Variants in HDAC9 observed in about 807,000 individuals in gnomAD.
HDAC9 encodes histone deacetylase 9, also known as MEF-2 interacting transcription repressor (MITR) protein.
HDAC9 carries 41 observed loss-of-function variants against 139.4 expected under a neutral mutation model. The observed-to-expected ratio is 0.29, with a 90% CI of 0.23 to 0.38. The LOEUF (loss-of-function observed/expected upper bound fraction) is 0.38, where lower values mean the gene tolerates loss of function less well. Among genes scored for constraint, HDAC9 ranks in the 10% least tolerant of loss-of-function variants. The probability of loss-of-function intolerance (pLI) is 1.00; values close to 1 mark genes in which losing one functional copy is unlikely to be tolerated. For synonymous variants in HDAC9, 517 were observed against 476.2 expected (o/e 1.09, Z -1.12); for missense variants, 1,147 against 1,297.0 (o/e 0.88, Z 1.78).
At chr7:18,771,535 ATATGTG>A (rs1790290859) in intron 16 of HDAC9, among the ~76,000 whole-genome samples, 1 of 144,460 alleles carries the variant, frequency 6.9e-6, no homozygotes, top group South Asian at 2.2e-4. Context: ...AAATTTACAG[ATATGTG>A]TGTGTGTGTG....
At chr7:18,171,619 C>T (rs536397957) in intron 2 of HDAC9, among the ~76,000 whole-genome samples, 1 of 152,182 alleles carries the variant, frequency 6.6e-6, no homozygotes, top group South Asian at 2.1e-4. Flanking sequence ...AGATATGTTC[C>T]ATCGATACCT....
chr7:18,546,175 G>T (rs1261705517), intron 2 of HDAC9, among the ~76,000 whole-genome samples: 1 of 152,176 alleles, frequency 6.6e-6, no homozygotes, highest in South Asian at 2.1e-4. Context: ...GTTGGAAAGA[G>T]ATGTTCTTTT....
chr7:18,994,908 C>T (rs1274850689), intron 25 of HDAC9, among the ~76,000 whole-genome samples: 2 of 151,982 alleles, frequency 1.3e-5, no homozygotes, highest in Non-Finnish European at 2.9e-5. Flanking sequence ...AAATGAAAAC[C>T]ACCCCTCTAT....
chr7:18,202,014 T>A (rs1020257091), intron 2 of HDAC9, among the ~76,000 whole-genome samples: 12 of 152,238 alleles, frequency 7.9e-5, no homozygotes, highest in Admixed American at 5.9e-4. Flanking sequence ...TGTTCTCACA[T>A]TTTTAAGAAG....
chr7:18,922,000 T>G (rs1466675717), intron 22 of HDAC9, among the ~76,000 whole-genome samples: 1 of 145,586 alleles, frequency 6.9e-6, no homozygotes, highest in African/African-American at 2.6e-5. Context: ...ACACCGCATA[T>G]TCTCACTCAT....
intron 2 of HDAC9, among the ~76,000 whole-genome samples, chr7:18,238,681 G>C (rs1245064989): frequency 6.6e-6 from 1 of 152,178 alleles, no homozygotes; most frequent in African/African-American, 2.4e-5. Flanking sequence ...AGAAGGCTGA[G>C]CCAATTAAAG....
chr7:18,335,950 T>C (rs1340529321), intron 1 of HDAC9, among the ~76,000 whole-genome samples: 1 of 151,664 alleles, frequency 6.6e-6, no homozygotes, highest in Admixed American at 6.6e-5. Context: ...GTAGTTTGTC[T>C]TTTTATTTAT....
chr7:18,244,721 C>T (rs1262026671), intron 2 of HDAC9, among the ~76,000 whole-genome samples: 1 of 152,092 alleles, frequency 6.6e-6, no homozygotes, highest in African/African-American at 2.4e-5. Context: ...TGGCGTGAAC[C>T]CGGGAGGCGG....
chr7:18,670,378 C>T (rs983255362), intron 12 of HDAC9, among the ~76,000 whole-genome samples: 2 of 152,004 alleles, frequency 1.3e-5, no homozygotes, highest in African/African-American at 4.8e-5. Context: ...GGCTTAAAAA[C>T]GTTTATATTC....
At chr7:18,349,934 A>G (rs79537494) in intron 1 of HDAC9, among the ~76,000 whole-genome samples, 12,995 of 152,160 alleles carry the variant, frequency 0.085, 721 homozygotes, top group East Asian at 0.23. Flanking sequence ...GTATTACTTC[A>G]GTATTAGGAG....
intron 15 of HDAC9, 35 bp downstream of exon 15, chr7:18,762,312 C>T (rs746545340): frequency 6.2e-6 from 10 of 1,606,712 alleles, no homozygotes; most frequent in Non-Finnish European, 8.5e-6. Context: ...GGGAACAGCA[C>T]ATTCCAGCAC....
At chr7:18,270,645 G>A (rs1363866187) in intron 2 of HDAC9, among the ~76,000 whole-genome samples, 7 of 151,994 alleles carry the variant, frequency 4.6e-5, no homozygotes, top group East Asian at 1.9e-4. Flanking sequence ...GTATACATAC[G>A]TAGTATATTA....
intron 2 of HDAC9, among the ~76,000 whole-genome samples, chr7:18,509,935 A>G (rs1269906652): frequency 6.6e-6 from 1 of 152,210 alleles, no homozygotes; most frequent in African/African-American, 2.4e-5. Context: ...TACAGTACCT[A>G]GCATATAATT....
At chr7:18,247,654 A>G (rs1394354276) in intron 2 of HDAC9, among the ~76,000 whole-genome samples, 3 of 152,204 alleles carry the variant, frequency 2.0e-5, no homozygotes, top group African/African-American at 4.8e-5. Context: ...AGAAAGCTCC[A>G]TATTTCTTAA....
chr7:18,630,021 A>C (rs959813177), intron 7 of HDAC9, among the ~76,000 whole-genome samples: 1 of 152,078 alleles, frequency 6.6e-6, no homozygotes, highest in Non-Finnish European at 1.5e-5. Flanking sequence ...AAGGGGAAGA[A>C]ACTGTCATTT....
At chr7:18,940,500 T>C (rs541663589) in intron 23 of HDAC9, among the ~76,000 whole-genome samples, 2 of 152,304 alleles carry the variant, frequency 1.3e-5, no homozygotes, top group African/African-American at 4.8e-5. Context: ...TGAATATTTT[T>C]GATCTTTTTC....
At chr7:18,950,468 T>C (rs1782713560) in intron 23 of HDAC9, among the ~76,000 whole-genome samples, 2 of 152,094 alleles carry the variant, frequency 1.3e-5, no homozygotes, top group African/African-American at 4.8e-5. Flanking sequence ...CCCATTTTAT[T>C]TTGTCTTGTT....
intron 2 of HDAC9, among the ~76,000 whole-genome samples, chr7:18,555,498 T>A (rs1818518340): frequency 6.6e-6 from 1 of 152,110 alleles, no homozygotes; most frequent in Non-Finnish European, 1.5e-5. Context: ...CTGAAATAGA[T>A]GGAGATTGTT....
At chr7:18,862,900 A>G (rs1288936032) in intron 21 of HDAC9, among the ~76,000 whole-genome samples, 1 of 152,164 alleles carries the variant, frequency 6.6e-6, no homozygotes, top group Non-Finnish European at 1.5e-5. Flanking sequence ...TATATATGTC[A>G]CATTTTCTGA....
Sources: allele counts gnomAD v4.1 joint callset (sites outside exome capture counted in the v4.1 genomes callset), GRCh38; gene constraint gnomAD v4.1.1; transcripts MANE v1.5; gene names NCBI Gene and HGNC (gene_info 2026-07-23, HGNC 2026-07-21).